The following AKT3 variants were observed in gnomAD, a reference collection of about 807,000 sequenced individuals.
AKT3 encodes RAC-gamma serine/threonine-protein kinase.
A neutral mutation model predicts 65.3 loss-of-function variants in AKT3; 15 were observed. The ratio of observed to expected loss-of-function variants is 0.23; its 90% CI spans 0.15 to 0.35. The LOEUF (loss-of-function observed/expected upper bound fraction) is 0.35. Ranked by LOEUF, AKT3 falls within the 10% of genes least tolerant of loss-of-function variation. The pLI is 1.00. For missense variants in AKT3, 243 were observed against 576.5 expected (o/e 0.42, Z 5.92); for synonymous variants, 206 against 183.8 (o/e 1.12, Z -0.98).
chr1:243,629,799 A>G (rs949754368), intron 6 of AKT3, among the ~76,000 whole-genome samples: 4 of 152,172 alleles, frequency 2.6e-5, no homozygotes, highest in African/African-American at 9.7e-5. Context: ...CTCCAAAAAT[A>G]AAAATAAAAA....
At chr1:243,744,632 G>A (rs1162305737) in intron 2 of AKT3, among the ~76,000 whole-genome samples, 4 of 150,720 alleles carry the variant, frequency 2.7e-5, no homozygotes, top group Non-Finnish European at 3.0e-5. Flanking sequence ...CCAGCTACTT[G>A]GGAGGCTGAG....
At chr1:243,489,285 C>A in intron 13 of AKT3, 1 of 1,151,122 alleles carries the variant, frequency 8.7e-7, no homozygotes, top group Non-Finnish European at 1.2e-6. Flanking sequence ...CTGTGCTGGG[C>A]ACAGTGCAGG....
chr1:243,754,290 A>C (rs1325729320), intron 2 of AKT3, among the ~76,000 whole-genome samples: 1 of 152,190 alleles, frequency 6.6e-6, no homozygotes, highest in African/African-American at 2.4e-5. Flanking sequence ...TACTTTCCAT[A>C]ATTAGCATTT....
At chr1:243,830,205 T>C (rs1694416401) in intron 2 of AKT3, among the ~76,000 whole-genome samples, 3 of 152,334 alleles carry the variant, frequency 2.0e-5, no homozygotes, top group Non-Finnish European at 4.4e-5. Context: ...AATCTTTACA[T>C]GGCATTTGCA....
At position 243,821,488 on chromosome 1, in the gene AKT3, C is replaced by T. The variant is rs184230394; in HGVS notation, c.46+21637G>A. ...GTCCCAATTAAAAGACACAGAATGG[C>T]TAGCTGCATAAACAATCAAGACCCA... On this transcript the variant is annotated intron_variant, in intron 2 of 13. Transcript: ENST00000673466. Among the ~76,000 whole-genome samples, 3 of 152,290 alleles carry T rather than the reference C, an allele frequency of 2.0e-5. No individual in the cohort carries two copies. The East Asian group carries it at 5.8e-4, about 29-fold the overall frequency.
chr1:243,842,488 T>C (rs1344665214), intron 2 of AKT3, among the ~76,000 whole-genome samples: 1 of 152,114 alleles, frequency 6.6e-6, no homozygotes, highest in Non-Finnish European at 1.5e-5. Flanking sequence ...CCTTTAATAA[T>C]AAAAAATAAT....
chr1:243,547,775 T>C (rs578233052), intron 11 of AKT3, among the ~76,000 whole-genome samples: 2 of 152,178 alleles, frequency 1.3e-5, no homozygotes, highest in Non-Finnish European at 2.9e-5. Flanking sequence ...ACAATTAAAA[T>C]GGAAAACAGT....
chr1:243,583,000 T>TA (rs556576980), intron 8 of AKT3, among the ~76,000 whole-genome samples: 2,785 of 136,330 alleles, frequency 0.02, 37 homozygotes, highest in Admixed American at 0.047. Context: ...TAACAGCAGT[T>TA]AAAAAAAAAA....
At chr1:243,705,591 C>G (rs1246559591) in intron 2 of AKT3, among the ~76,000 whole-genome samples, 2 of 152,222 alleles carry the variant, frequency 1.3e-5, no homozygotes, top group Non-Finnish European at 2.9e-5. Context: ...CCCAGTTTTA[C>G]TCTAAGAGAA....
At chr1:243,512,753 G>A (rs1363295833) in intron 12 of AKT3, among the ~76,000 whole-genome samples, 1 of 152,206 alleles carries the variant, frequency 6.6e-6, no homozygotes, top group East Asian at 1.9e-4. Flanking sequence ...TTGATGGGGA[G>A]CAGTGTGCCA....
chr1:243,613,768 C>T, intron 7 of AKT3, 29 bp from the exon 8 acceptor site: 1 of 1,425,148 alleles, frequency 7.0e-7, no homozygotes, highest in Non-Finnish European at 9.7e-7. Flanking sequence ...AAAAATGTTA[C>T]ATTATAATCC....
At chr1:243,788,643 TGTTTACACTATACTATA>T (rs1156607109) in intron 2 of AKT3, 1 of 152,246 alleles carries the variant, frequency 6.6e-6, no homozygotes, top group Non-Finnish European at 1.5e-5. Flanking sequence ...ATGACAGTTA[TGTTTACACTATACTATA>T]GTCTTCTGTG....
intron 11 of AKT3, chr1:243,548,154 T>A (rs1016666289): frequency 6.6e-6 from 1 of 152,206 alleles, no homozygotes; most frequent in Non-Finnish European, 1.5e-5. Flanking sequence ...CTGAAAAGCA[T>A]TTAATATTTT....
At chr1:243,719,267 T>C (rs536200153) in intron 2 of AKT3, among the ~76,000 whole-genome samples, 18 of 152,200 alleles carry the variant, frequency 1.2e-4, no homozygotes, top group Non-Finnish European at 2.6e-4. Flanking sequence ...CCCCTACTCC[T>C]ACAACTCCCA....
At chr1:243,580,760 G>A (rs1049676549) in intron 8 of AKT3, among the ~76,000 whole-genome samples, 23 of 152,198 alleles carry the variant, frequency 1.5e-4, no homozygotes, top group African/African-American at 4.1e-4. Context: ...GTTCTCCTGA[G>A]ATTGTGGTGC....
intron 2 of AKT3, among the ~76,000 whole-genome samples, chr1:243,825,283 T>C (rs1187200435): frequency 1.3e-5 from 2 of 152,048 alleles, no homozygotes; most frequent in Non-Finnish European, 1.5e-5. Flanking sequence ...TCAGGATAAA[T>C]AGCTAATGCA....
At chr1:243,527,942 G>C (rs866778047) in intron 12 of AKT3, among the ~76,000 whole-genome samples, 257 of 138,602 alleles carry the variant, frequency 1.9e-3, no homozygotes, top group African/African-American at 5.3e-3. Context: ...CACACAGAGA[G>C]AGAGAGAGAG....
intron 2 of AKT3, among the ~76,000 whole-genome samples, chr1:243,773,186 TA>T (rs1398286175): frequency 6.9e-6 from 1 of 145,552 alleles, no homozygotes. Context: ...TAAAGTATAA[TA>T]AAAACATATA....
At chr1:243,657,592 G>A (rs1437186251) in intron 4 of AKT3, among the ~76,000 whole-genome samples, 1 of 151,906 alleles carries the variant, frequency 6.6e-6, no homozygotes, top group Non-Finnish European at 1.5e-5. Flanking sequence ...CAGATTCAAT[G>A]CAATCCTTTT....
Sources: gnomAD v4.1 joint callset for allele counts (sites outside exome capture counted in the v4.1 genomes callset) on GRCh38, gnomAD v4.1.1 for gene constraint, MANE v1.5 for transcripts, NCBI Gene and HGNC (gene_info 2026-07-23, HGNC 2026-07-21) for gene names.